Variants in SLC4A4 observed in about 807,000 individuals in gnomAD.
SLC4A4 encodes the protein electrogenic sodium bicarbonate cotransporter 1.
Under a neutral mutation model 111.5 loss-of-function variants are expected in SLC4A4, and 27 were observed. That is an observed-to-expected ratio of 0.24 (90% CI 0.18 to 0.33). SLC4A4 has a LOEUF of 0.33. Ranked by LOEUF, SLC4A4 falls within the 10% of genes least tolerant of loss-of-function variation. The pLI, the probability that SLC4A4 is intolerant of heterozygous loss-of-function variation, is 1.00. For synonymous variants in SLC4A4, 443 were observed against 463.4 expected (o/e 0.96, Z 0.57); for missense variants, 909 against 1,315.5 (o/e 0.69, Z 4.78).
At chr4:71,105,350 G>C (rs1438123461) in intron 2 of SLC4A4, among the ~76,000 whole-genome samples, 1 of 149,088 alleles carries the variant, frequency 6.7e-6, no homozygotes, top group Non-Finnish European at 1.5e-5. Context: ...TACTGCCCAA[G>C]GTAATTTATA....
intron 16 of SLC4A4, among the ~76,000 whole-genome samples, chr4:71,519,494 G>T (rs576136437): frequency 2.8e-4 from 43 of 152,332 alleles, no homozygotes; most frequent in African/African-American, 9.9e-4. Flanking sequence ...ACAGAGAGGA[G>T]AAAGTATGTG....
At chr4:71,311,890 T>TGAGAGAGAGAGAGAGAGAGAGAGAGA (rs761331086) in intron 3 of SLC4A4, among the ~76,000 whole-genome samples, 2 of 76,610 alleles carry the variant, frequency 2.6e-5, no homozygotes, top group Non-Finnish European at 5.3e-5. Context: ...TGCAAGGCTG[T>TGAGAGAGAGAGAGAGAGAGAGAGAGA]GAGAGAGAGA....
At chr4:71,301,183 C>G (rs1725226179) in intron 3 of SLC4A4, 1 of 276,072 alleles carries the variant, frequency 3.6e-6, no homozygotes. Flanking sequence ...AGGTCCATTA[C>G]ACTCATACCC....
intron 18 of SLC4A4, among the ~76,000 whole-genome samples, chr4:71,536,972 TTATATG>T (rs773463333): frequency 8.6e-5 from 13 of 151,888 alleles, no homozygotes; most frequent in East Asian, 5.8e-4. Context: ...ATATCCTTTC[TTATATG>T]TATATGTATA....
intron 3 of SLC4A4, among the ~76,000 whole-genome samples, chr4:71,323,381 A>G (rs1408386500): frequency 6.6e-6 from 1 of 152,006 alleles, no homozygotes; most frequent in East Asian, 1.9e-4. Flanking sequence ...TTAGAACTGG[A>G]ATAAACAAAC....
chr4:71,234,110 C>A (rs1424907518), intron 1 of SLC4A4, among the ~76,000 whole-genome samples: 1 of 152,176 alleles, frequency 6.6e-6, no homozygotes, highest in Admixed American at 6.5e-5. Context: ...AGTACTGATT[C>A]CTTCCTGTCA....
At chr4:71,554,498 A>G (rs1736294670) in intron 20 of SLC4A4, among the ~76,000 whole-genome samples, 1 of 151,870 alleles carries the variant, frequency 6.6e-6, no homozygotes, top group Non-Finnish European at 1.5e-5. Context: ...TAATGCATGA[A>G]AAGGTATTAA....
At chr4:71,493,649 T>TCTC (rs1560558558) in intron 15 of SLC4A4, among the ~76,000 whole-genome samples, 50 of 150,890 alleles carry the variant, frequency 3.3e-4, no homozygotes, top group African/African-American at 1.1e-3. Context: ...CTCTCTGTCT[T>TCTC]TCTCTCTCTC....
chr4:71,411,094 A>G (rs1454388883), intron 7 of SLC4A4, among the ~76,000 whole-genome samples: 1 of 152,200 alleles, frequency 6.6e-6, no homozygotes, highest in Non-Finnish European at 1.5e-5. Flanking sequence ...GATAAAGCCC[A>G]GAATCCTTGG....
chr4:71,535,690 A>G (rs1734351011), intron 18 of SLC4A4, among the ~76,000 whole-genome samples: 1 of 152,110 alleles, frequency 6.6e-6, no homozygotes, highest in Non-Finnish European at 1.5e-5. Flanking sequence ...ACATCATGGG[A>G]AAGTTGCTAA....
At chr4:71,160,668 G>C (rs1744595724) in intron 2 of SLC4A4, among the ~76,000 whole-genome samples, 1 of 125,858 alleles carries the variant, frequency 7.9e-6, no homozygotes, top group African/African-American at 4.7e-5. Flanking sequence ...TAGAAAAAAA[G>C]AAAGGAATGA....
intron 2 of SLC4A4, among the ~76,000 whole-genome samples, chr4:71,121,971 G>A (rs887823601): frequency 6.6e-6 from 1 of 151,992 alleles, no homozygotes; most frequent in African/African-American, 2.4e-5. Context: ...AACTCCAGAC[G>A]CGCTTCCTTA....
At position 71,175,186 on chromosome 4, in the gene SLC4A4, C is replaced by G. The variant is rs148329522; in HGVS notation, c.-1-61390C>G. 1.4e-4 allele frequency among the ~76,000 whole-genome samples: 22 copies of G among 152,232 alleles called. 1 individual carries two copies. Among genetic ancestry groups the G allele is most frequent in the African/African-American group, 5.1e-4 (21 of 41,524 alleles). On this transcript the variant is annotated intron_variant, in intron 2 of 26. Transcript: ENST00000649996. ...TTTAAAAATAAGCAATCTATGTGCA[C>G]AGTTAAAATTTTTAAAAAGTGGGGG...
At chr4:71,491,952 T>A (rs1048252248) in intron 15 of SLC4A4, among the ~76,000 whole-genome samples, 1 of 151,378 alleles carries the variant, frequency 6.6e-6, no homozygotes, top group Admixed American at 6.6e-5. Flanking sequence ...AATTATTATT[T>A]TTATTATTAT....
intron 7 of SLC4A4, among the ~76,000 whole-genome samples, chr4:71,405,106 A>C (rs1048769046): frequency 1.3e-5 from 2 of 152,146 alleles, no homozygotes; most frequent in East Asian, 3.9e-4. Flanking sequence ...GTAAGCCACT[A>C]TGCCCCACCC....
At chr4:71,488,888 ATGTGTGTGTG>A (rs66801188) in intron 15 of SLC4A4, among the ~76,000 whole-genome samples, 32 of 140,672 alleles carry the variant, frequency 2.3e-4, no homozygotes, top group East Asian at 4.5e-4. Flanking sequence ...AGAAGAAAAA[ATGTGTGTGTG>A]TGTGTGTGTG....
intron 3 of SLC4A4, among the ~76,000 whole-genome samples, chr4:71,293,415 T>C (rs1372720061): frequency 1.3e-5 from 2 of 151,406 alleles, no homozygotes; most frequent in African/African-American, 4.8e-5. Context: ...ATACCAAAAT[T>C]AGCTGGGTGT....
At chr4:71,511,144 T>C (rs1241878419) in intron 16 of SLC4A4, among the ~76,000 whole-genome samples, 1 of 152,142 alleles carries the variant, frequency 6.6e-6, no homozygotes, top group East Asian at 1.9e-4. Flanking sequence ...ATATAAGTAA[T>C]TTACACCTTA....
chr4:71,496,723 G>C (rs1299628172), intron 15 of SLC4A4, among the ~76,000 whole-genome samples: 1 of 152,020 alleles, frequency 6.6e-6, no homozygotes, highest in Admixed American at 6.6e-5. Context: ...AGGAACAAGA[G>C]TGAGCTGCTA....
Sources: gnomAD v4.1 joint callset for allele counts (sites outside exome capture counted in the v4.1 genomes callset) on GRCh38, gnomAD v4.1.1 for gene constraint, MANE v1.5 for transcripts, NCBI Gene and HGNC (gene_info 2026-07-23, HGNC 2026-07-21) for gene names.